BBX: variants seen among roughly 807,000 people sequenced by gnomAD.
BBX encodes BBX high mobility group box domain containing.
In BBX, 30 loss-of-function variants were observed where a neutral mutation model predicts 100.2. The observed-to-expected ratio is 0.30, with a 90% CI of 0.22 to 0.41. The LOEUF (loss-of-function observed/expected upper bound fraction) is 0.41. Ranked by LOEUF, BBX falls within the 10% of genes least tolerant of loss-of-function variation. BBX has a pLI of 1.00. For missense variants in BBX, 1,023 were observed against 1,129.8 expected (o/e 0.91, Z 1.35); for synonymous variants, 376 against 388.1 (o/e 0.97, Z 0.37).
chr3:107,668,943 CA>C (rs754705265), intron 3 of BBX, among the ~76,000 whole-genome samples: 2 of 152,076 alleles, frequency 1.3e-5, no homozygotes, highest in African/African-American at 2.4e-5. Context: ...GTGGCAACTT[CA>C]AAGACAAATA....
At chr3:107,591,549 G>A (rs776582414) in intron 2 of BBX, among the ~76,000 whole-genome samples, 3 of 152,144 alleles carry the variant, frequency 2.0e-5, no homozygotes, top group Non-Finnish European at 2.9e-5. Flanking sequence ...GTGCGGTAAC[G>A]CTATCAGGGC....
intron 3 of BBX, among the ~76,000 whole-genome samples, chr3:107,665,720 C>T (rs1315517777): frequency 6.6e-6 from 1 of 152,202 alleles, no homozygotes; most frequent in Non-Finnish European, 1.5e-5. Flanking sequence ...TCCTTCTTCT[C>T]TTCCCTCAAC....
intron 3 of BBX, chr3:107,659,559 A>AT (rs1338614341): frequency 6.3e-6 from 2 of 316,258 alleles, no homozygotes; most frequent in East Asian, 1.0e-4. Flanking sequence ...TTTTCTTCTC[A>AT]TTTTTTAGAT....
chr3:107,556,208 CT>C (rs888694629), intron 2 of BBX, among the ~76,000 whole-genome samples: 4 of 152,076 alleles, frequency 2.6e-5, no homozygotes, highest in African/African-American at 9.7e-5. Context: ...AGGACTTTGC[CT>C]TTCATTTTAG....
intron 2 of BBX, among the ~76,000 whole-genome samples, chr3:107,621,351 T>G (rs1025291188): frequency 4.6e-5 from 7 of 152,192 alleles, no homozygotes; most frequent in Non-Finnish European, 1.0e-4. Flanking sequence ...AGTCCCGAGC[T>G]TCTCTGCCCT....
intron 2 of BBX, among the ~76,000 whole-genome samples, chr3:107,549,732 C>T (rs1339240343): frequency 2.0e-5 from 3 of 152,172 alleles, no homozygotes; most frequent in Non-Finnish European, 4.4e-5. Flanking sequence ...AAGCCATGTG[C>T]ATTCCTTGCA....
intron 2 of BBX, among the ~76,000 whole-genome samples, chr3:107,581,015 A>G (rs929405866): frequency 1.1e-4 from 17 of 152,214 alleles, no homozygotes; most frequent in African/African-American, 4.1e-4. Context: ...TAAAATATGG[A>G]AGACCTAAAA....
intron 2 of BBX, among the ~76,000 whole-genome samples, chr3:107,627,487 G>A (rs1244171542): frequency 1.3e-5 from 2 of 152,154 alleles, no homozygotes; most frequent in African/African-American, 2.4e-5. Context: ...AATTAGTTTT[G>A]AGGCAAGAAT....
At position 107,791,282 on chromosome 3, in the gene BBX, C is replaced by T. The variant is rs1483726911; in HGVS notation, c.2336C>T (p.Ala779Val). The change falls in exon 15 of 18, where the codon GCC becomes GTC. Residue 779 changes from alanine (A) to valine (V), a missense_variant. By Grantham distance (64) the Ala-to-Val change is moderately conservative (BLOSUM62 0). This residue lies in a region of BBX where 215 missense variants were observed against 211.3 expected (regional missense o/e 1.02). Transcript: ENST00000325805. The stretch of plus-strand genomic sequence containing the variant: ...TCAAACAAGCAACTCTTCTTGGATG[C>T]CATTCACCCTACAGAAGGTAAGACA... ...KWSNKQLFLD[A>V]IHPTEAIFSE... 1 of 1,612,722 alleles carries T rather than the reference C, an allele frequency of 6.2e-7. No individual in the cohort carries two copies. The highest frequency in any genetic ancestry group is 8.5e-7 in the Non-Finnish European group (1 of 1,179,178).
At chr3:107,753,849 C>CCA (rs1285372432) in intron 9 of BBX, among the ~76,000 whole-genome samples, 1 of 152,168 alleles carries the variant, frequency 6.6e-6, no homozygotes, top group African/African-American at 2.4e-5. Flanking sequence ...TAATAAATAT[C>CCA]CACACACACT....
chr3:107,550,826 C>G (rs1313462946), intron 2 of BBX, among the ~76,000 whole-genome samples: 2 of 152,104 alleles, frequency 1.3e-5, no homozygotes, highest in African/African-American at 4.8e-5. Flanking sequence ...AATTACTCAT[C>G]TAGGGTGGCC....
chr3:107,626,064 A>G (rs549392998), intron 2 of BBX, among the ~76,000 whole-genome samples: 59 of 152,320 alleles, frequency 3.9e-4, no homozygotes, highest in African/African-American at 1.4e-3. Context: ...AAGCTGAGAC[A>G]TGATCATTGG....
At chr3:107,788,063 G>A (rs2068621075) in intron 13 of BBX, among the ~76,000 whole-genome samples, 1 of 152,176 alleles carries the variant, frequency 6.6e-6, no homozygotes, top group South Asian at 2.1e-4. Flanking sequence ...AATATAAGAG[G>A]TCTGGCTGGG....
chr3:107,588,519 T>C (rs1289267946), intron 2 of BBX, among the ~76,000 whole-genome samples: 2 of 152,018 alleles, frequency 1.3e-5, no homozygotes, highest in Non-Finnish European at 2.9e-5. Flanking sequence ...ACAGAAGCAA[T>C]TTGGTTGCTA....
chr3:107,686,309 C>T (rs1276137399), intron 3 of BBX, among the ~76,000 whole-genome samples: 4 of 152,138 alleles, frequency 2.6e-5, no homozygotes, highest in Non-Finnish European at 5.9e-5. Context: ...ATGTATGCTT[C>T]ATAAAATCTC....
chr3:107,538,321 C>T (rs1173415587), intron 2 of BBX, among the ~76,000 whole-genome samples: 3 of 152,218 alleles, frequency 2.0e-5, no homozygotes, highest in South Asian at 2.1e-4. Flanking sequence ...CAGAATTATA[C>T]GTTTGAGGAC....
chr3:107,769,045 G>A (rs2066638238), intron 10 of BBX, among the ~76,000 whole-genome samples: 1 of 151,374 alleles, frequency 6.6e-6, no homozygotes, highest in Non-Finnish European at 1.5e-5. Context: ...GCATGAACCT[G>A]TAGTCCTAGC....
rs913203203 is a variant in BBX at position 107,810,497 on chromosome 3, A to G, written c.*5040A>G. ...TCAATGCCTCAAAACTCTTCCACCC[A>G]CAATGCAAATCTTACCTCACAAGCT... On this transcript the variant is annotated 3_prime_UTR_variant, in exon 18 of 18. Transcript: ENST00000325805. 6.6e-6 allele frequency: 1 copy of G among 152,242 alleles called. No homozygotes were observed. Among genetic ancestry groups the G allele is most frequent in the African/African-American group, 2.4e-5 (1 of 41,456 alleles). The allele number at this position is 152,242 out of a possible 1,614,324, so 9.4% of individuals were successfully genotyped here. A position where few individuals can be genotyped will look rare whatever the true frequency, so the allele number is the denominator to read the frequency against.
chr3:107,680,232 A>G (rs1053583045), intron 3 of BBX, among the ~76,000 whole-genome samples: 4 of 152,148 alleles, frequency 2.6e-5, no homozygotes, highest in African/African-American at 9.6e-5. Flanking sequence ...CTCACAGACC[A>G]AAGTCGAAGG....
Sources: gnomAD v4.1 joint callset for allele counts (sites outside exome capture counted in the v4.1 genomes callset) on GRCh38, gnomAD v4.1.1 for gene constraint, gnomAD v4.1.1 regional missense constraint, MANE v1.5 for transcripts, NCBI Gene and HGNC (gene_info 2026-07-23, HGNC 2026-07-21) for gene names.